NALF1: variants seen among roughly 807,000 people sequenced by gnomAD.
The protein encoded by NALF1 is NALCN channel auxiliary factor 1, also known as family with sequence similarity 155 member A.
In NALF1, 3 loss-of-function variants were observed where a neutral mutation model predicts 48.4. The observed-to-expected ratio is 0.06, with a 90% CI of 0.03 to 0.16. NALF1 has a LOEUF of 0.16. Among genes scored for constraint, NALF1 ranks in the 10% least tolerant of loss-of-function variants. The pLI is 1.00. For missense variants in NALF1, 526 were observed against 571.5 expected (o/e 0.92, Z 0.81); for synonymous variants, 262 against 245.7 (o/e 1.07, Z -0.62).
At chr13:107,413,513 A>G (rs1363960049) in intron 1 of NALF1, among the ~76,000 whole-genome samples, 1 of 152,170 alleles carries the variant, frequency 6.6e-6, no homozygotes, top group Non-Finnish European at 1.5e-5. Flanking sequence ...GAGTGACACA[A>G]TTGAATTGTA....
intron 1 of NALF1, among the ~76,000 whole-genome samples, chr13:107,659,280 T>C (rs906258734): frequency 6.6e-6 from 1 of 152,180 alleles, no homozygotes; most frequent in African/African-American, 2.4e-5. Context: ...TTTATACTTC[T>C]TGCTTATAAT....
At chr13:107,317,406 T>C (rs530327351) in intron 1 of NALF1, among the ~76,000 whole-genome samples, 5 of 152,234 alleles carry the variant, frequency 3.3e-5, no homozygotes, top group African/African-American at 7.2e-5. Flanking sequence ...TTGACTTTTA[T>C]CCATTTTGTC....
At chr13:107,400,081 A>G (rs1227587255) in intron 1 of NALF1, among the ~76,000 whole-genome samples, 1 of 152,136 alleles carries the variant, frequency 6.6e-6, no homozygotes, top group Non-Finnish European at 1.5e-5. Flanking sequence ...TTCACTTTAT[A>G]CCTCAACTTC....
At chr13:107,780,402 T>A (rs1327872176) in intron 1 of NALF1, among the ~76,000 whole-genome samples, 1 of 152,192 alleles carries the variant, frequency 6.6e-6, no homozygotes, top group East Asian at 1.9e-4. Flanking sequence ...TTGCTCAATT[T>A]TAAGTTTCTG....
At chr13:107,170,839 T>C (rs533049547) in intron 2 of NALF1, 53 bp from the exon 3 acceptor site, 35 of 1,529,814 alleles carry the variant, frequency 2.3e-5, no homozygotes, top group Non-Finnish European at 3.0e-5. Flanking sequence ...ATTTGCGACA[T>C]AGTAGAGTGA....
rs80103752 is a variant in NALF1 at position 107,866,379 on chromosome 13, T to C, written c.218A>G (p.Gln73Arg). ...CTGCTGCTGCTGCCGCTGCTGCTGC[T>C]GGTGCTCCTTGTCCCGGGCCCGGGT... The part of the protein sequence containing the change: ...KLTRARDKEH[Q>R]QQQRQQQQQQ... The change falls in exon 1 of 3, where the codon CAG (glutamine) becomes CGG (arginine). Residue 73 changes from glutamine to arginine, a missense_variant. Coordinates refer to ENST00000375915, the MANE Select transcript of NALF1 (RefSeq NM_001080396.3). The surrounding 1 kb of genome is among the most constrained non-coding windows in gnomAD (Gnocchi z 4.4). 19,730 of 1,496,156 alleles carry C rather than the reference T, an allele frequency of 0.013. 105 individuals are homozygous for C. Among genetic ancestry groups the C allele is most frequent in the Non-Finnish European group, 0.016 (17,604 of 1,127,380 alleles). 92.7% of individuals were successfully genotyped at this position (1,496,156 alleles called of 1,614,324 possible).
intron 1 of NALF1, among the ~76,000 whole-genome samples, chr13:107,836,687 T>C (rs980053946): frequency 6.6e-6 from 1 of 152,232 alleles, no homozygotes; most frequent in Non-Finnish European, 1.5e-5. Flanking sequence ...TTTCTAGCTA[T>C]GAAAGTCCTC....
chr13:107,637,921 G>C (rs570809567), intron 1 of NALF1, among the ~76,000 whole-genome samples: 1 of 151,966 alleles, frequency 6.6e-6, no homozygotes, highest in Non-Finnish European at 1.5e-5. Context: ...TTTAGCTTGT[G>C]ATTCTTGACT....
At chr13:107,654,501 TA>T (rs931724416) in intron 1 of NALF1, among the ~76,000 whole-genome samples, 2 of 151,558 alleles carry the variant, frequency 1.3e-5, no homozygotes, top group African/African-American at 4.8e-5. Flanking sequence ...GAAATGGTAA[TA>T]AAAAAAATTG....
intron 1 of NALF1, among the ~76,000 whole-genome samples, chr13:107,856,743 T>G (rs1298663617): frequency 2.0e-5 from 3 of 152,264 alleles, no homozygotes; most frequent in East Asian, 3.9e-4. Flanking sequence ...GTGCCTCATC[T>G]TATGCCAAAG....
intron 1 of NALF1, among the ~76,000 whole-genome samples, chr13:107,481,957 A>G (rs945908857): frequency 6.6e-6 from 1 of 152,162 alleles, no homozygotes; most frequent in Admixed American, 6.6e-5. Context: ...TGCCATTTGC[A>G]TGACATTGAT....
At chr13:107,317,569 G>A (rs1882174341) in intron 1 of NALF1, among the ~76,000 whole-genome samples, 1 of 151,936 alleles carries the variant, frequency 6.6e-6, no homozygotes, top group African/African-American at 2.4e-5. Flanking sequence ...ATCTTAGTTT[G>A]GAAGAAGTAA....
At chr13:107,569,352 G>A (rs530489992) in intron 1 of NALF1, among the ~76,000 whole-genome samples, 3 of 152,120 alleles carry the variant, frequency 2.0e-5, no homozygotes, top group Non-Finnish European at 2.9e-5. Context: ...GGTGCTTGTA[G>A]TCCCAGCTAC....
At chr13:107,563,315 C>T (rs542367669) in intron 1 of NALF1, among the ~76,000 whole-genome samples, 1 of 152,272 alleles carries the variant, frequency 6.6e-6, no homozygotes, top group African/African-American at 2.4e-5. Flanking sequence ...CACATTGATC[C>T]GTTGTGACAA....
intron 2 of NALF1, among the ~76,000 whole-genome samples, chr13:107,178,967 A>C (rs897455369): frequency 1.6e-4 from 25 of 151,740 alleles, no homozygotes; most frequent in Middle Eastern, 3.2e-3. Context: ...AAAAAAAAAA[A>C]CAAAAAATAG....
intron 1 of NALF1, among the ~76,000 whole-genome samples, chr13:107,625,471 G>A (rs1176603457): frequency 6.6e-6 from 1 of 151,980 alleles, no homozygotes; most frequent in African/African-American, 2.4e-5. Context: ...AGTATCTTAG[G>A]GACATTGCAA....
chr13:107,540,439 CA>C (rs1276718516), intron 1 of NALF1, among the ~76,000 whole-genome samples: 1 of 151,954 alleles, frequency 6.6e-6, no homozygotes, highest in Non-Finnish European at 1.5e-5. Context: ...CTATCATGAC[CA>C]AAAGGTTGTA....
chr13:107,368,465 T>C (rs543066128), intron 1 of NALF1, among the ~76,000 whole-genome samples: 1 of 152,218 alleles, frequency 6.6e-6, no homozygotes, highest in South Asian at 2.1e-4. Context: ...CTAATTTTCT[T>C]ACAGCTCTGG....
chr13:107,706,915 A>G (rs1332242103), intron 1 of NALF1, among the ~76,000 whole-genome samples: 1 of 97,820 alleles, frequency 1.0e-5, no homozygotes, highest in African/African-American at 4.0e-5. Flanking sequence ...AATCAAGGGC[A>G]TTCTTTTTTT....
Sources: gnomAD v4.1 joint callset for allele counts (sites outside exome capture counted in the v4.1 genomes callset) on GRCh38, gnomAD v4.1.1 for gene constraint, Gnocchi (gnomAD v3.1) non-coding constraint, MANE v1.5 for transcripts, NCBI Gene and HGNC (gene_info 2026-07-23, HGNC 2026-07-21) for gene names.